The following DSC2 variants were observed in gnomAD, a reference collection of about 807,000 sequenced individuals.
DSC2 encodes the protein desmocollin-2.
In DSC2, 51 loss-of-function variants were observed where a neutral mutation model predicts 87.6. The observed-to-expected ratio is 0.58, with a 90% CI of 0.46 to 0.74. DSC2 has a LOEUF of 0.74. Ranked by LOEUF, DSC2 falls within the 30% of genes least tolerant of loss-of-function variation. The pLI is 0.00. For missense variants in DSC2, 1,066 were observed against 1,089.5 expected, an observed-to-expected ratio of 0.98 and a Z score of 0.30; for synonymous variants, 383 against 393.2, an observed-to-expected ratio of 0.97 and a Z score of 0.31.
In DSC2 at chr18:31,060,394, T is replaced by C. The variant is rs575492723; in HGVS notation, c.*7621A>G. The stretch of plus-strand genomic sequence containing the variant: ...TCCTTGGTGCCTGGGAGTTTTCCAA[T>C]TGGCCCTGTTCCCAGGGGAACACTC... On this transcript the variant is annotated 3_prime_UTR_variant, in exon 16 of 16. Transcript: ENST00000280904. The C allele has an allele frequency of 1.3e-5, 2 of 152,148 alleles. No individual in the cohort carries two copies. Among genetic ancestry groups the C allele is most frequent in the Non-Finnish European group, 2.9e-5 (2 of 68,030 alleles). 9.4% of individuals were successfully genotyped at this position (152,148 alleles called of 1,614,324 possible).
At chr18:31,094,306 T>A (rs1254410614) in intron 1 of DSC2, among the ~76,000 whole-genome samples, 1 of 152,248 alleles carries the variant, frequency 6.6e-6, no homozygotes, top group African/African-American at 2.4e-5. Flanking sequence ...CTTATTGCCA[T>A]GAAGTGATTT....
In DSC2 at chr18:31,082,249, A is replaced by G. The variant is rs1295507627; in HGVS notation, c.1252T>C (p.Cys418Arg). The G allele has an allele frequency of 6.2e-7, 1 of 1,613,228 alleles. No homozygotes were observed. The highest frequency in any genetic ancestry group is 1.3e-5 in the African/African-American group (1 of 74,896). The change falls in exon 9 of 16, where the codon TGT (cysteine) becomes CGT (arginine). Residue 418 changes from cysteine (C) to arginine (R), a missense_variant. Physicochemically the swap from Cys to Arg is radical, Grantham distance 180. Transcript: ENST00000280904. Reference sequence around the variant, plus strand: ...TAATTTATTCTTACCTTAACTACACAAAGAACTCCTTCATTGGTTTTGGCA... The same window carrying G: ...TAATTTATTCTTACCTTAACTACACGAAGAACTCCTTCATTGGTTTTGGCA... ...TDAKTNEGVL[C>R]VVKPLNYEEK... is the part of the protein sequence containing the mutation.
At position 31,071,035 on chromosome 18, in the gene DSC2, G is replaced by GATAAACT. The variant is rs1378762940; in HGVS notation, c.2126-186_2126-185insAGTTTAT. On this transcript the variant is annotated intron_variant, in intron 13 of 15. Coordinates refer to ENST00000280904, the MANE Select transcript of DSC2 (RefSeq NM_024422.6). ...GTTTAAATAGATATGCTATTTAAAA[G>GATAAACT]TTTAAATAGCATATCTACTTAAACT... Among the ~76,000 whole-genome samples the GATAAACT allele has an allele frequency of 5.9e-5, 9 of 152,046 alleles. No individual in the cohort carries two copies. In the East Asian group the frequency reaches 1.7e-3, roughly 29 times the overall value.
chr18:31,081,650 A>T (rs573696560), intron 9 of DSC2, among the ~76,000 whole-genome samples: 1 of 152,364 alleles, frequency 6.6e-6, no homozygotes, highest in African/African-American at 2.4e-5. Context: ...TTAAAGATGC[A>T]GCAGAAATAA....
At chr18:31,088,227 C>G (rs149935417) in intron 5 of DSC2, among the ~76,000 whole-genome samples, 1 of 152,118 alleles carries the variant, frequency 6.6e-6, no homozygotes, top group Non-Finnish European at 1.5e-5. Flanking sequence ...TACCCAGGTA[C>G]AGTTAACTGG....
At chr18:31,076,369 G>GA (rs1161887688) in intron 11 of DSC2, among the ~76,000 whole-genome samples, 5 of 151,932 alleles carry the variant, frequency 3.3e-5, no homozygotes, top group Non-Finnish European at 7.4e-5. Context: ...GGGAGAGAGG[G>GA]AAAAAACAAA....
At chr18:31,069,714 CAA>C (rs199681007) in intron 14 of DSC2, among the ~76,000 whole-genome samples, 141 of 85,210 alleles carry the variant, frequency 1.7e-3, no homozygotes, top group African/African-American at 3.0e-3. Context: ...GATCTTGTCT[CAA>C]AAAAAAAAAA....
chr18:31,096,597 C>T (rs1222971927), intron 1 of DSC2, among the ~76,000 whole-genome samples: 3 of 152,170 alleles, frequency 2.0e-5, no homozygotes, highest in Non-Finnish European at 4.4e-5. Context: ...TTAACGAAGG[C>T]TTGACATGTG....
In DSC2 at chr18:31,065,013, C is replaced by CATT. The variant is rs1243983148; in HGVS notation, c.*2999_*3001dup. 1 of 152,220 alleles carries CATT rather than the reference C, an allele frequency of 6.6e-6. No homozygotes were observed. Among genetic ancestry groups the CATT allele is most frequent in the African/African-American group, 2.4e-5 (1 of 41,466 alleles). 9.4% of individuals were successfully genotyped at this position (152,220 alleles called of 1,614,324 possible). A position where few individuals can be genotyped will look rare whatever the true frequency, so the allele number is the denominator to read the frequency against. ...TGGAACAGAAGATCTTGCTGCTTTT[C>CATT]ATTTGCTGAAGAAGCACCAGCCATT... is the stretch of plus-strand genomic sequence containing the variant. On this transcript the variant is annotated 3_prime_UTR_variant, in exon 16 of 16. Transcript: ENST00000280904.
At chr18:31,088,929 C>T (rs1368872174) in intron 5 of DSC2, among the ~76,000 whole-genome samples, 3 of 151,930 alleles carry the variant, frequency 2.0e-5, no homozygotes, top group Admixed American at 6.6e-5. Flanking sequence ...TTTGGGAGGC[C>T]GACATGGGCA....
rs950471230 is a variant in DSC2, at chr18:31,062,574, C to T, written c.*5441G>A. 1 of 152,148 alleles carries T rather than the reference C, an allele frequency of 6.6e-6. No individual in the cohort carries two copies. Among genetic ancestry groups the T allele is most frequent in the African/African-American group, 2.4e-5 (1 of 41,430 alleles). 9.4% of individuals were successfully genotyped at this position (152,148 alleles called of 1,614,324 possible). ...ACACATGTGCATTTATTCATTCATC[C>T]ATTTATTCATCACACACCAAATATA... On this transcript the variant is annotated 3_prime_UTR_variant, in exon 16 of 16. Transcript: ENST00000280904.
In DSC2 at chr18:31,102,063, C is replaced by T; in HGVS notation, c.-92G>A. ...GGCCGCGGCCGGAGCGCAGTCTGGG[C>T]CCGCTGCTCAGGAGGAGCGCGAGGC... On this transcript the variant is annotated 5_prime_UTR_variant, in exon 1 of 16. Coordinates refer to ENST00000280904, the MANE Select transcript of DSC2 (RefSeq NM_024422.6). The T allele has an allele frequency of 2.6e-6, 3 of 1,157,412 alleles. No homozygotes were observed. Among genetic ancestry groups the T allele is most frequent in the Admixed American group, 3.8e-5 (1 of 26,242 alleles). The allele number at this position is 1,157,412 out of a possible 1,614,324, so 71.7% of individuals were successfully genotyped here. A position where few individuals can be genotyped will look rare whatever the true frequency, so the allele number is the denominator to read the frequency against.
rs552511999 is a variant in DSC2, at chr18:31,101,289, C to A, written c.69+614G>T. 4.0e-4 allele frequency: 394 copies of A among 983,474 alleles called. 2 individuals are homozygous for A. The South Asian group carries it at 9.0e-3, about 22-fold the overall frequency. The allele number at this position is 983,474 out of a possible 1,614,324, so 60.9% of individuals were successfully genotyped here. The stretch of plus-strand genomic sequence containing the variant: ...ATCCCCTCCCCCACCCGCCACTTCC[C>A]CCCGCCCTTCTCTCAGAGTAAACAA... On this transcript the variant is annotated intron_variant, in intron 1 of 15. Coordinates refer to ENST00000280904, the MANE Select transcript of DSC2 (RefSeq NM_024422.6).
intron 7 of DSC2, among the ~76,000 whole-genome samples, chr18:31,083,601 A>G (rs1384054077): frequency 1.3e-5 from 2 of 152,190 alleles, no homozygotes; most frequent in African/African-American, 2.4e-5. Context: ...AAAACAATAA[A>G]ATGAAATTTC....
Position 31,102,075 on chromosome 18 carries a change from G to C in DSC2, c.-104C>G. The C allele has an allele frequency of 9.9e-7, 1 of 1,005,478 alleles. No homozygotes were observed. The highest frequency in any genetic ancestry group is 2.2e-5 in the South Asian group (1 of 46,266). The allele number at this position is 1,005,478 out of a possible 1,614,324, so 62.3% of individuals were successfully genotyped here. A position where few individuals can be genotyped will look rare whatever the true frequency, so the allele number is the denominator to read the frequency against. The stretch of plus-strand genomic sequence containing the variant: ...AGCGCAGTCTGGGCCCGCTGCTCAG[G>C]AGGAGCGCGAGGCGGAGGAGGTGGG... On this transcript the variant is annotated 5_prime_UTR_variant, in exon 1 of 16. Transcript: ENST00000280904.
rs149455288 is a variant in DSC2 at position 31,098,461 on chromosome 18, A to G, written c.69+3442T>C. On this transcript the variant is annotated intron_variant, in intron 1 of 15. Transcript: ENST00000280904. ...AGAACAAAATCTAACAAAATTAGAC[A>G]CTTTTTTTTTTCTAACAGAGTCTTG... Among the ~76,000 whole-genome samples, 578 of 151,716 alleles carry G rather than the reference A, an allele frequency of 3.8e-3. 6 individuals are homozygous for G. The highest frequency in any genetic ancestry group is 0.014 in the African/African-American group (560 of 41,378).
rs1893961 is a variant in DSC2, at chr18:31,069,249, A to G, written c.2251-98T>C. The G allele has an allele frequency of 0.1, 154,366 of 1,470,344 alleles. 12,070 individuals carry two copies. The highest frequency in any genetic ancestry group is 0.4 in the African/African-American group (29,259 of 72,260). 91.1% of individuals were successfully genotyped at this position (1,470,344 alleles called of 1,614,324 possible). A position where few individuals can be genotyped will look rare whatever the true frequency, so the allele number is the denominator to read the frequency against. ...GCGGATAATGCCTTTTTTTGTGTGT[A>G]TGCTAGAAGGTAAGCTCTCTGAGAG... On this transcript the variant is annotated intron_variant, in intron 14 of 15. Transcript: ENST00000280904.
At chr18:31,068,464 T>C in intron 15 of DSC2, 1 of 1,066,896 alleles carries the variant, frequency 9.4e-7, no homozygotes, top group Admixed American at 1.9e-5. Flanking sequence ...TTTTACATAG[T>C]CACTACTTTC....
At chr18:31,082,544 T>A in intron 8 of DSC2, 121 bp from the exon 9 acceptor site, 1 of 912,926 alleles carries the variant, frequency 1.1e-6, no homozygotes, top group Non-Finnish European at 1.7e-6. Context: ...TTTGAAACCC[T>A]AGCACTATAC....
Sources: allele counts gnomAD v4.1 joint callset (sites outside exome capture counted in the v4.1 genomes callset), GRCh38; gene constraint gnomAD v4.1.1; transcripts MANE v1.5; gene names NCBI Gene and HGNC (gene_info 2026-07-23, HGNC 2026-07-21).